Variants in CDK5RAP2 observed in about 807,000 individuals in gnomAD.
CDK5RAP2 encodes CDK5 regulatory subunit associated protein 2.
CDK5RAP2 carries 147 observed loss-of-function variants against 232.9 expected under a neutral mutation model. The ratio of observed to expected loss-of-function variants is 0.63; its 90% confidence interval spans 0.55 to 0.72. The LOEUF is 0.72. CDK5RAP2 is among the 30% of genes least tolerant of loss of function. CDK5RAP2 has a pLI of 0.00. For missense variants in CDK5RAP2, 2,195 were observed against 2,231.5 expected (o/e 0.98, Z 0.33); for synonymous variants, 833 against 833.7 (o/e 1.00, Z 0.01).
chr9:120,519,689 T>A (rs4837775), intron 11 of CDK5RAP2, among the ~76,000 whole-genome samples: 111 of 152,174 alleles, frequency 7.3e-4, no homozygotes, highest in Non-Finnish European at 1.3e-3. Flanking sequence ...ATCTCAATAC[T>A]GTTATGTAAT....
At chr9:120,406,963 G>C (rs768307524) in intron 32 of CDK5RAP2, 49 bp downstream of exon 32, 5 of 1,350,858 alleles carry the variant, frequency 3.7e-6, no homozygotes, top group African/African-American at 2.9e-5. Flanking sequence ...GTCACACACA[G>C]ATGCTCAGAG....
chr9:120,407,373 C>T (rs1047819507), intron 31 of CDK5RAP2, 125 bp from the exon 32 acceptor site: 16 of 755,886 alleles, frequency 2.1e-5, no homozygotes, highest in Admixed American at 1.5e-4. Context: ...GAACTAGGTA[C>T]AGTTTAAAAT....
intron 5 of CDK5RAP2, among the ~76,000 whole-genome samples, chr9:120,543,471 C>T (rs1224019294): frequency 6.6e-6 from 1 of 152,200 alleles, no homozygotes; most frequent in Admixed American, 6.5e-5. Context: ...TCTACCCATT[C>T]AACTGGTTAA....
intron 18 of CDK5RAP2, among the ~76,000 whole-genome samples, chr9:120,464,833 A>G (rs983312833): frequency 1.3e-5 from 2 of 152,020 alleles, no homozygotes; most frequent in African/African-American, 2.4e-5. Flanking sequence ...CAAGGGCTTT[A>G]TAAATCATGT....
chr9:120,515,078 G>C (rs1197168484), intron 12 of CDK5RAP2, among the ~76,000 whole-genome samples: 2 of 151,852 alleles, frequency 1.3e-5, no homozygotes, highest in Non-Finnish European at 1.5e-5. Context: ...GAGAGAGAGA[G>C]ACAGAGTGTG....
intron 14 of CDK5RAP2, 48 bp downstream of exon 14, chr9:120,487,246 G>C (rs765612023): frequency 3.1e-6 from 5 of 1,602,282 alleles, no homozygotes; most frequent in Non-Finnish European, 3.4e-6. Flanking sequence ...TTTCAAAAAA[G>C]TGTATGAATC....
At chr9:120,553,820 G>A (rs1400558916) in intron 3 of CDK5RAP2, among the ~76,000 whole-genome samples, 1 of 152,102 alleles carries the variant, frequency 6.6e-6, no homozygotes, top group Non-Finnish European at 1.5e-5. Flanking sequence ...GGAATGAAGT[G>A]GTATAATCGC....
intron 31 of CDK5RAP2, chr9:120,407,951 A>C: frequency 3.4e-6 from 1 of 290,938 alleles, no homozygotes; most frequent in Admixed American, 4.6e-5. Context: ...CTGGGTGCCT[A>C]CTATGTGTCA....
At chr9:120,484,695 G>T (rs1182639615) in intron 14 of CDK5RAP2, among the ~76,000 whole-genome samples, 1 of 152,080 alleles carries the variant, frequency 6.6e-6, no homozygotes, top group East Asian at 1.9e-4. Flanking sequence ...CTGCACTCCA[G>T]CCTGGGTAAC....
intron 31 of CDK5RAP2, 179 bp downstream of exon 31, chr9:120,408,167 GT>G (rs934299635): frequency 1.3e-6 from 1 of 762,620 alleles, no homozygotes; most frequent in African/African-American, 1.7e-5. Flanking sequence ...GTCCTTCTAT[GT>G]TTCCTGCTGT....
intron 1 of CDK5RAP2, 70 bp downstream of exon 1, chr9:120,579,850 G>A (rs895559599): frequency 1.6e-6 from 2 of 1,280,566 alleles, no homozygotes; most frequent in East Asian, 2.3e-5. Flanking sequence ...CCCCAAGGCC[G>A]CGTTAGAACG....
At chr9:120,498,581 C>G (rs1476888075) in intron 12 of CDK5RAP2, among the ~76,000 whole-genome samples, 1 of 152,090 alleles carries the variant, frequency 6.6e-6, no homozygotes, top group Non-Finnish European at 1.5e-5. Context: ...AATGTTGCAT[C>G]AATGTTAATT....
At position 120,407,162 on chromosome 9, in the gene CDK5RAP2, G is replaced by C; in HGVS notation, c.4813C>G (p.Leu1605Val). 1 of 1,614,008 alleles carries C rather than the reference G, an allele frequency of 6.2e-7. No homozygotes were observed. Among genetic ancestry groups the C allele is most frequent in the Non-Finnish European group, 8.5e-7 (1 of 1,180,036 alleles). ...LMEIQALRLQ[L>V]ERSIETSSTL... The stretch of plus-strand genomic sequence containing the variant: ...CTGCTGGTTTCGATGCTCCTTTCTA[G>C]TTGCAAGCGCAGAGCCTGGATCTCC... The change falls in exon 32 of 38, where the codon CTA becomes GTA. Residue 1605 changes from leucine to valine, a missense_variant. Leu to Val is a conservative substitution (Grantham distance 32). Coordinates refer to ENST00000349780, the MANE Select transcript of CDK5RAP2 (RefSeq NM_018249.6).
intron 25 of CDK5RAP2, among the ~76,000 whole-genome samples, chr9:120,435,468 T>C (rs968386733): frequency 2.5e-5 from 3 of 121,850 alleles, no homozygotes; most frequent in Non-Finnish European, 3.4e-5. Context: ...AAATTACACA[T>C]TTACACACAC....
intron 12 of CDK5RAP2, among the ~76,000 whole-genome samples, chr9:120,492,399 C>A (rs1197870027): frequency 6.6e-6 from 1 of 152,018 alleles, no homozygotes; most frequent in Non-Finnish European, 1.5e-5. Context: ...ATTTATTTAA[C>A]CATAAAACAA....
At chr9:120,439,293 C>G (rs2035758049) in intron 24 of CDK5RAP2, 106 bp downstream of exon 24, 3 of 1,002,486 alleles carry the variant, frequency 3.0e-6, no homozygotes, top group Non-Finnish European at 4.7e-6. Context: ...AGAACACACT[C>G]TACCCATCAC....
At chr9:120,522,716 C>T (rs1196899450) in intron 11 of CDK5RAP2, among the ~76,000 whole-genome samples, 3 of 152,184 alleles carry the variant, frequency 2.0e-5, no homozygotes, top group Admixed American at 6.5e-5. Flanking sequence ...GAATTCACAC[C>T]TCTGTGCTTC....
intron 28 of CDK5RAP2, among the ~76,000 whole-genome samples, chr9:120,412,860 A>C (rs1472047562): frequency 1.3e-5 from 2 of 152,132 alleles, no homozygotes; most frequent in Admixed American, 1.3e-4. Context: ...ACTTACCGCA[A>C]GGTTATCTAA....
At chr9:120,446,615 C>T (rs1384011960) in intron 22 of CDK5RAP2, among the ~76,000 whole-genome samples, 1 of 152,166 alleles carries the variant, frequency 6.6e-6, no homozygotes, top group African/African-American at 2.4e-5. Context: ...GTAAAAGAGT[C>T]CTAGAATGGC....
Sources: gnomAD v4.1 joint callset for allele counts (sites outside exome capture counted in the v4.1 genomes callset) on GRCh38, gnomAD v4.1.1 for gene constraint, MANE v1.5 for transcripts, NCBI Gene and HGNC (gene_info 2026-07-23, HGNC 2026-07-21) for gene names.